The following TBCD variants were observed in gnomAD, a reference collection of about 807,000 sequenced individuals.
TBCD encodes tubulin-specific chaperone D.
In TBCD, 105 loss-of-function variants were observed where a neutral mutation model predicts 169.3. The observed-to-expected ratio is 0.62, with a 90% CI of 0.53 to 0.73. The LOEUF (loss-of-function observed/expected upper bound fraction) is 0.73. Among genes scored for constraint, TBCD ranks in the 30% least tolerant of loss-of-function variants. The pLI is 0.00. For missense variants in TBCD, 1,444 were observed against 1,600.1 expected, an observed-to-expected ratio of 0.90 and a Z score of 1.66; for synonymous variants, 700 against 643.9, an observed-to-expected ratio of 1.09 and a Z score of -1.32.
At chr17:82,762,908 C>T (rs777166926) in intron 2 of TBCD, among the ~76,000 whole-genome samples, 16 of 152,082 alleles carry the variant, frequency 1.1e-4, no homozygotes, top group South Asian at 2.1e-4. Context: ...GAGTGTATCT[C>T]GTTGTGTCCT....
chr17:82,879,457 C>G (rs1376169408), intron 14 of TBCD, among the ~76,000 whole-genome samples: 1 of 152,230 alleles, frequency 6.6e-6, no homozygotes, highest in Non-Finnish European at 1.5e-5. Context: ...GCAACAGACT[C>G]ACCACTCAGG....
intron 23 of TBCD, among the ~76,000 whole-genome samples, chr17:82,917,356 C>T (rs749894844): frequency 6.6e-5 from 10 of 152,078 alleles, no homozygotes; most frequent in Non-Finnish European, 1.3e-4. Context: ...CCTTATCTGC[C>T]GTTAAACGCA....
intron 13 of TBCD, among the ~76,000 whole-genome samples, chr17:82,858,192 A>G (rs144090824): frequency 0.018 from 2,679 of 152,214 alleles, 94 homozygotes; most frequent in African/African-American, 0.061. Context: ...GGGATTACGA[A>G]CATGAGCCAC....
chr17:82,920,653 T>G lies in TBCD; in HGVS notation c.2101+35T>G. On this transcript the variant is annotated intron_variant, in intron 24 of 38. Transcript: ENST00000355528. This position sits in a 1 kb window ranked among gnomAD's most constrained non-coding sequence, Gnocchi z 4.1. ...TTTGTTTTTAATAATAGCATTTTCT[T>G]ACAGAATGACTTCAGATTAAAAGGT... 6.7e-7 allele frequency: 1 copy of G among 1,501,068 alleles called. No individual in the cohort carries two copies. The highest frequency in any genetic ancestry group is 1.2e-5 in the South Asian group (1 of 80,534). The allele number at this position is 1,501,068 out of a possible 1,614,324, so 93.0% of individuals were successfully genotyped here.
At chr17:82,872,063 C>T (rs1023740162) in intron 14 of TBCD, among the ~76,000 whole-genome samples, 2 of 152,212 alleles carry the variant, frequency 1.3e-5, no homozygotes, top group Non-Finnish European at 2.9e-5. Context: ...GGAGAGGGAC[C>T]TCAACCCGGT....
intron 3 of TBCD, among the ~76,000 whole-genome samples, chr17:82,765,702 C>A (rs140788757): frequency 1.3e-5 from 2 of 152,118 alleles, no homozygotes; most frequent in Admixed American, 1.3e-4. Context: ...GAATTTGGGC[C>A]CTTGCGGTTT....
chr17:82,790,039 C>T (rs1019570067), intron 7 of TBCD, among the ~76,000 whole-genome samples: 9 of 152,256 alleles, frequency 5.9e-5, no homozygotes, highest in African/African-American at 2.2e-4. Flanking sequence ...CATTGCTCAT[C>T]TGTTCTCATG....
rs2062087890 is a variant in TBCD at position 82,930,246 on chromosome 17, G to C, written c.2992-276G>C. 1 of 467,734 alleles carries C rather than the reference G, an allele frequency of 2.1e-6. No individual in the cohort carries two copies. The highest frequency in any genetic ancestry group is 2.0e-5 in the African/African-American group (1 of 49,982). 29.0% of individuals were successfully genotyped at this position (467,734 alleles called of 1,614,324 possible). ...GGGAAACGTGAGCGAAACCCAAGGT[G>C]AGTGGCCGCAGCCTTTCGTCACGTG... On this transcript the variant is annotated intron_variant, in intron 32 of 38. Transcript: ENST00000355528. The surrounding 1 kb of genome is among the most constrained non-coding windows in gnomAD (Gnocchi z 5.2).
chr17:82,868,095 G>A (rs2057303705), intron 13 of TBCD, among the ~76,000 whole-genome samples: 1 of 152,178 alleles, frequency 6.6e-6, no homozygotes, highest in Non-Finnish European at 1.5e-5. Flanking sequence ...GAGGTGGTCC[G>A]GTCCTGTAGA....
At chr17:82,763,513 G>C (rs954535753) in intron 2 of TBCD, among the ~76,000 whole-genome samples, 6 of 152,108 alleles carry the variant, frequency 3.9e-5, no homozygotes, top group Non-Finnish European at 7.4e-5. Flanking sequence ...GGCCGAGGTG[G>C]GTGGATCACC....
At chr17:82,877,067 T>A in intron 14 of TBCD, 1 of 781,086 alleles carries the variant, frequency 1.3e-6, no homozygotes, top group South Asian at 5.8e-5. Flanking sequence ...AATATAGTAA[T>A]TTAAACAAAT....
At chr17:82,774,525 G>A (rs892926690) in intron 6 of TBCD, among the ~76,000 whole-genome samples, 12 of 151,984 alleles carry the variant, frequency 7.9e-5, no homozygotes, top group Non-Finnish European at 1.3e-4. Flanking sequence ...CGACAAAACC[G>A]CCATCGTCAT....
intron 12 of TBCD, among the ~76,000 whole-genome samples, chr17:82,810,776 G>A (rs549880229): frequency 1.3e-5 from 2 of 152,306 alleles, no homozygotes; most frequent in South Asian, 4.1e-4. Flanking sequence ...CCTGGACACC[G>A]TGGCGAAAGC....
In TBCD at chr17:82,909,191, A is replaced by G. The variant is rs2060446345; in HGVS notation, c.1984-94A>G. The G allele has an allele frequency of 4.5e-6, 5 of 1,106,802 alleles. No individual in the cohort carries two copies. The South Asian group carries it at 6.4e-5, about 14-fold the overall frequency. 68.6% of individuals were successfully genotyped at this position (1,106,802 alleles called of 1,614,324 possible). On this transcript the variant is annotated intron_variant, in intron 21 of 38. Coordinates refer to ENST00000355528, the MANE Select transcript of TBCD (RefSeq NM_005993.5). ...CCTGGCTGGCATGGCATCTTCTGCCATTTTCTCTTTGTTCTTGTTTTTGAC... is the reference window on the plus strand; with the variant it reads ...CCTGGCTGGCATGGCATCTTCTGCCGTTTTCTCTTTGTTCTTGTTTTTGAC...
At chr17:82,876,058 T>G (rs771050916) in intron 14 of TBCD, among the ~76,000 whole-genome samples, 7 of 152,222 alleles carry the variant, frequency 4.6e-5, no homozygotes, top group Non-Finnish European at 1.0e-4. Context: ...TTATTGTTTC[T>G]TAAGGTAAAA....
chr17:82,910,857 GC>G (rs1342694165), intron 22 of TBCD, among the ~76,000 whole-genome samples: 1 of 152,190 alleles, frequency 6.6e-6, no homozygotes, highest in East Asian at 1.9e-4. Context: ...GAGCCACCGC[GC>G]CCAGCCTCCT....
intron 14 of TBCD, among the ~76,000 whole-genome samples, chr17:82,871,216 C>A (rs556664979): frequency 1.2e-5 from 1 of 80,108 alleles, no homozygotes; most frequent in South Asian, 5.4e-4. Flanking sequence ...ATACTTTTTG[C>A]TTAGGAAACA....
chr17:82,846,264 T>TCGTCCAGCCCTCTGCTGCCCCCTCCAC (rs1567878835), intron 13 of TBCD, among the ~76,000 whole-genome samples: 9 of 141,120 alleles, frequency 6.4e-5, no homozygotes, highest in East Asian at 2.0e-4. Flanking sequence ...CTGCGTCCTC[T>TCGTCCAGCCCTCTGCTGCCCCCTCCAC]GTGCTGTGTC....
chr17:82,920,440 C>T lies in TBCD; in HGVS notation c.2039-116C>T, dbSNP rs562211961. ...AGCCCTGGCAGCAGGGTAGGTTGGG[C>T]GGGTGAGGGGCAGGAGCTGGCCGCA... On this transcript the variant is annotated intron_variant, in intron 23 of 38. Coordinates refer to ENST00000355528, the MANE Select transcript of TBCD (RefSeq NM_005993.5). This position sits in a 1 kb window ranked among gnomAD's most constrained non-coding sequence, Gnocchi z 4.1. 44 of 841,820 alleles carry T rather than the reference C, an allele frequency of 5.2e-5. No homozygotes were observed. Among genetic ancestry groups the T allele is most frequent in the African/African-American group, 2.4e-4 (14 of 57,892 alleles). The allele number at this position is 841,820 out of a possible 1,614,324, so 52.1% of individuals were successfully genotyped here. A position where few individuals can be genotyped will look rare whatever the true frequency, so the allele number is the denominator to read the frequency against.
Sources: allele counts gnomAD v4.1 joint callset (sites outside exome capture counted in the v4.1 genomes callset), GRCh38; gene constraint gnomAD v4.1.1; non-coding constraint Gnocchi (gnomAD v3.1); transcripts MANE v1.5; gene names NCBI Gene and HGNC (gene_info 2026-07-23, HGNC 2026-07-21).